Variants in LINGO2 observed in about 807,000 individuals in gnomAD.
LINGO2 encodes the protein leucine rich repeat and Ig domain containing 2, also known as leucine-rich repeat and immunoglobulin-like domain-containing nogo receptor-interacting protein 2.
Under a neutral mutation model 30.6 loss-of-function variants are expected in LINGO2, and 14 were observed. That is an observed-to-expected ratio of 0.46 (90% CI 0.30 to 0.72). LINGO2 has a LOEUF of 0.72. Among genes scored for constraint, LINGO2 ranks in the 30% least tolerant of loss-of-function variants. LINGO2 has a pLI of 0.07. For synonymous variants in LINGO2, 317 were observed against 288.5 expected (o/e 1.10, Z -1.00); for missense variants, 729 against 751.7 (o/e 0.97, Z 0.35).
At chr9:29,040,292 T>C in the LINGO2 span, among the ~76,000 whole-genome samples, 1 of 152,068 alleles carries the variant, frequency 6.6e-6, no homozygotes, top group East Asian at 1.9e-4. Context: ...AAAATATAAA[T>C]TTGGAATCTT....
chr9:27,999,119 G>T (rs1327477258), intron 5 of LINGO2, among the ~76,000 whole-genome samples: 2 of 151,898 alleles, frequency 1.3e-5, no homozygotes, highest in Non-Finnish European at 2.9e-5. Context: ...AAGAAGAAAG[G>T]CACATTGGGT....
chr9:28,472,486 A>T (rs912898575), intron 2 of LINGO2, among the ~76,000 whole-genome samples: 1 of 152,130 alleles, frequency 6.6e-6, no homozygotes, highest in Admixed American at 6.6e-5. Context: ...TGTCAGACCG[A>T]AGATAATCTT....
At chr9:27,964,883 C>CCT (rs1288302079) in intron 5 of LINGO2, among the ~76,000 whole-genome samples, 1 of 152,022 alleles carries the variant, frequency 6.6e-6, no homozygotes, top group African/African-American at 2.4e-5. Context: ...GGTCCTGTAA[C>CCT]CTCTTCCAGG....
intron 4 of LINGO2, among the ~76,000 whole-genome samples, chr9:28,095,872 A>T (rs1298376134): frequency 6.6e-6 from 1 of 152,140 alleles, no homozygotes; most frequent in Non-Finnish European, 1.5e-5. Flanking sequence ...AGAAAAAAAC[A>T]AACAACCCCA....
At chr9:27,946,849 C>G (rs1823383477), downstream of LINGO2, among the ~76,000 whole-genome samples, 1 of 152,102 alleles carries the variant, frequency 6.6e-6, no homozygotes, top group Non-Finnish European at 1.5e-5. Context: ...ATATTTTCCA[C>G]CCTTTATTAG....
chr9:28,237,104 T>C (rs1448052455), intron 4 of LINGO2, among the ~76,000 whole-genome samples: 1 of 100,166 alleles, frequency 1.0e-5, no homozygotes, highest in African/African-American at 4.0e-5. Context: ...AGAAACAAAA[T>C]AGTTAAACAG....
intron 1 of LINGO2, among the ~76,000 whole-genome samples, chr9:28,661,893 G>A (rs919494078): frequency 2.0e-5 from 3 of 152,128 alleles, no homozygotes; most frequent in African/African-American, 4.8e-5. Context: ...GAGAACAGGG[G>A]TGGCAGGAGG....
the LINGO2 span, among the ~76,000 whole-genome samples, chr9:28,977,247 G>C: frequency 2.0e-5 from 3 of 151,976 alleles, no homozygotes; most frequent in Non-Finnish European, 4.4e-5. Flanking sequence ...CCAATAAGGG[G>C]CATTTGTCTA....
chr9:28,461,682 T>C (rs886755342), intron 2 of LINGO2, among the ~76,000 whole-genome samples: 3 of 152,112 alleles, frequency 2.0e-5, no homozygotes, highest in Non-Finnish European at 4.4e-5. Context: ...TGTTTTTATT[T>C]GCAGGGATGT....
At chr9:28,668,337 T>G (rs1375424478) in intron 1 of LINGO2, among the ~76,000 whole-genome samples, 1 of 152,088 alleles carries the variant, frequency 6.6e-6, no homozygotes, top group Non-Finnish European at 1.5e-5. Flanking sequence ...AACTTCATAA[T>G]TAGAACAAGA....
chr9:29,155,930 G>A, the LINGO2 span, among the ~76,000 whole-genome samples: 2 of 151,950 alleles, frequency 1.3e-5, no homozygotes, highest in African/African-American at 4.8e-5. Context: ...CCTTCATTAA[G>A]GAACCATGAC....
rs1002209354 is a variant in LINGO2, at chr9:28,133,705, A to T, written c.-86-121300T>A. Among the ~76,000 whole-genome samples the T allele has an allele frequency of 2.6e-5, 4 of 152,274 alleles. No individual in the cohort carries two copies. In the South Asian group the frequency reaches 8.3e-4, roughly 32 times the overall value. On this transcript the variant is annotated intron_variant, in intron 4 of 5. Transcript: ENST00000379992. ...TTTTAAGTGAAATGAGGCATTCTGT[A>T]TACCTCAATGTCATCCCTCTTCAAT...
chr9:27,949,718 T>C lies in LINGO2; in HGVS notation c.954A>G (p.Gln318=), dbSNP rs145831596. ...TGAGCACGCGTAGGAAGCGGAGCCCTTGGAAGGAGTGAGGCTCAATGGTGC... is the reference window on the plus strand; with the variant it reads ...TGAGCACGCGTAGGAAGCGGAGCCCCTGGAAGGAGTGAGGCTCAATGGTGC... The change falls in exon 6 of 6, where the codon CAA becomes CAG. Residue 318 remains glutamine, a synonymous_variant. Coordinates refer to ENST00000379992, the Ensembl canonical transcript of LINGO2. 1,728 of 1,614,076 alleles carry C rather than the reference T, an allele frequency of 1.1e-3. 11 individuals are homozygous for C. The African/African-American group carries it at 0.021, about 19-fold the overall frequency.
At chr9:28,316,670 A>T (rs1301993544) in intron 3 of LINGO2, among the ~76,000 whole-genome samples, 3 of 152,202 alleles carry the variant, frequency 2.0e-5, no homozygotes, top group Non-Finnish European at 4.4e-5. Context: ...AATCACATTT[A>T]TGAAACCAAT....
chr9:28,600,306 C>T (rs1469986044), intron 1 of LINGO2, among the ~76,000 whole-genome samples: 1 of 152,092 alleles, frequency 6.6e-6, no homozygotes, highest in Non-Finnish European at 1.5e-5. Flanking sequence ...TATGAATGAG[C>T]TTATTTTTGA....
chr9:28,425,451 G>A (rs1823370456), intron 2 of LINGO2, among the ~76,000 whole-genome samples: 1 of 151,744 alleles, frequency 6.6e-6, no homozygotes, highest in Non-Finnish European at 1.5e-5. Flanking sequence ...TCTAAGAGAG[G>A]ATAAATCACC....
chr9:28,580,929 T>C (rs1336838714), intron 1 of LINGO2, among the ~76,000 whole-genome samples: 1 of 152,018 alleles, frequency 6.6e-6, no homozygotes, highest in African/African-American at 2.4e-5. Flanking sequence ...AAACATTTTT[T>C]CACTGTAAAC....
At chr9:28,783,526 G>A in the LINGO2 span, among the ~76,000 whole-genome samples, 12 of 152,076 alleles carry the variant, frequency 7.9e-5, no homozygotes, top group South Asian at 4.1e-4. Context: ...GACTAACTGC[G>A]CTCTTTGCTT....
the LINGO2 span, among the ~76,000 whole-genome samples, chr9:29,208,598 T>C: frequency 6.6e-6 from 1 of 152,146 alleles, no homozygotes; most frequent in Non-Finnish European, 1.5e-5. Context: ...ATTCTTTAAA[T>C]ATATTTTATT....
Sources: allele counts gnomAD v4.1 joint callset (sites outside exome capture counted in the v4.1 genomes callset), GRCh38; gene constraint gnomAD v4.1.1; transcripts MANE v1.5; gene names NCBI Gene and HGNC (gene_info 2026-07-23, HGNC 2026-07-21).